C1QTNF3: variants seen among roughly 807,000 people sequenced by gnomAD.
The protein encoded by C1QTNF3 is C1q and TNF related 3, also known as complement C1q tumor necrosis factor-related protein 3.
Under a neutral mutation model 32.6 loss-of-function variants are expected in C1QTNF3, and 26 were observed. That is an observed-to-expected ratio of 0.80 (90% confidence interval 0.58 to 1.11). The LOEUF (loss-of-function observed/expected upper bound fraction) is 1.11. C1QTNF3 is among the 50% of genes least tolerant of loss of function. The probability of loss-of-function intolerance (pLI) is 0.00; values close to 1 mark genes in which losing one functional copy is unlikely to be tolerated. For missense variants in C1QTNF3, 362 were observed against 398.2 expected, an observed-to-expected ratio of 0.91 and a Z score of 0.77; for synonymous variants, 155 against 146.0, an observed-to-expected ratio of 1.06 and a Z score of -0.44.
At chr5:34,087,768 A>G in the C1QTNF3 span, among the ~76,000 whole-genome samples, 1 of 152,052 alleles carries the variant, frequency 6.6e-6, no homozygotes, top group Non-Finnish European at 1.5e-5. Flanking sequence ...ATTTCTTTAG[A>G]GATGGGTGTT....
chr5:34,054,539 T>A, the C1QTNF3 span, among the ~76,000 whole-genome samples: 1 of 152,186 alleles, frequency 6.6e-6, no homozygotes, highest in African/African-American at 2.4e-5. Context: ...AACAAAACTT[T>A]ATTTATAAAA....
At chr5:34,044,038 G>A (rs1320730545), upstream of C1QTNF3, among the ~76,000 whole-genome samples, 1 of 151,988 alleles carries the variant, frequency 6.6e-6, no homozygotes, top group African/African-American at 2.4e-5. Flanking sequence ...AGAAATTCGA[G>A]GCCAGCCTGG....
the C1QTNF3 span, among the ~76,000 whole-genome samples, chr5:34,225,929 A>AG: frequency 2.6e-5 from 4 of 152,024 alleles, no homozygotes; most frequent in East Asian, 7.7e-4. Flanking sequence ...ATGCAAAAAA[A>AG]TAAAGCTTTT....
At chr5:34,147,216 T>C in the C1QTNF3 span, among the ~76,000 whole-genome samples, 1 of 152,228 alleles carries the variant, frequency 6.6e-6, no homozygotes, top group South Asian at 2.1e-4. Context: ...GCTGGGTATA[T>C]GAATTAGTTC....
At chr5:34,167,342 C>A in the C1QTNF3 span, 2 of 152,178 alleles carry the variant, frequency 1.3e-5, no homozygotes, top group Admixed American at 6.5e-5. Flanking sequence ...AATGCATCAT[C>A]TTAATTCATC....
At chr5:34,065,991 A>G in the C1QTNF3 span, among the ~76,000 whole-genome samples, 2 of 152,092 alleles carry the variant, frequency 1.3e-5, no homozygotes, top group African/African-American at 4.8e-5. Context: ...ATGGAATACT[A>G]TGCAGCCATA....
chr5:34,073,049 C>T, the C1QTNF3 span, among the ~76,000 whole-genome samples: 3 of 152,062 alleles, frequency 2.0e-5, no homozygotes, highest in East Asian at 1.9e-4. Flanking sequence ...TAATTGTGGC[C>T]GGGCGCGGTG....
At chr5:34,175,625 A>G in the C1QTNF3 span, 10 of 494,156 alleles carry the variant, frequency 2.0e-5, no homozygotes, top group Middle Eastern at 5.8e-4. Flanking sequence ...GTATGTGGGA[A>G]GCGGGGACCT....
the C1QTNF3 span, among the ~76,000 whole-genome samples, chr5:34,072,898 TA>T: frequency 6.6e-6 from 1 of 152,210 alleles, no homozygotes; most frequent in Non-Finnish European, 1.5e-5. Context: ...CTGAGAATAC[TA>T]AAAAACATTG....
the C1QTNF3 span, among the ~76,000 whole-genome samples, chr5:34,181,800 C>A: frequency 6.6e-6 from 1 of 152,304 alleles, no homozygotes; most frequent in African/African-American, 2.4e-5. Flanking sequence ...GTGCATGCAC[C>A]CCAGAAGTCG....
the C1QTNF3 span, among the ~76,000 whole-genome samples, chr5:34,210,185 A>C: frequency 6.6e-6 from 1 of 152,090 alleles, no homozygotes; most frequent in Non-Finnish European, 1.5e-5. Flanking sequence ...TCTGATGTTA[A>C]CAATGGCATA....
the C1QTNF3 span, among the ~76,000 whole-genome samples, chr5:34,213,790 TATATATATATATATATATA>T: frequency 0.22 from 2,245 of 10,290 alleles, 94 homozygotes; most frequent in Non-Finnish European, 0.37. Context: ...TATATACATA[TATATATATATATATATATA>T]TTTTTTTTTT....
At chr5:34,085,024 T>C in the C1QTNF3 span, among the ~76,000 whole-genome samples, 5,633 of 120,268 alleles carry the variant, frequency 0.047, 580 homozygotes, top group African/African-American at 0.17. Context: ...AGAGTCTCAC[T>C]CTGTCGCCCA....
At chr5:34,094,420 T>C in the C1QTNF3 span, among the ~76,000 whole-genome samples, 1 of 152,148 alleles carries the variant, frequency 6.6e-6, no homozygotes, top group Non-Finnish European at 1.5e-5. Context: ...TGTACCCATG[T>C]GGAGAGTAGC....
At chr5:34,048,851 A>G in the C1QTNF3 span, among the ~76,000 whole-genome samples, 1 of 152,168 alleles carries the variant, frequency 6.6e-6, no homozygotes, top group Non-Finnish European at 1.5e-5. Context: ...ACAACAACAT[A>G]AAACCTGATG....
chr5:34,076,877 C>A, the C1QTNF3 span, among the ~76,000 whole-genome samples: 4 of 151,446 alleles, frequency 2.6e-5, 1 homozygote, highest in African/African-American at 9.8e-5. Flanking sequence ...AGGTTACGAG[C>A]TAGTCAGTGA....
the C1QTNF3 span, among the ~76,000 whole-genome samples, chr5:34,089,935 T>A: frequency 4.6e-5 from 7 of 152,332 alleles, no homozygotes; most frequent in African/African-American, 9.6e-5. Context: ...AAGGAGTCAG[T>A]TATGACGGAG....
At chr5:34,102,865 G>A in the C1QTNF3 span, among the ~76,000 whole-genome samples, 2 of 152,224 alleles carry the variant, frequency 1.3e-5, no homozygotes, top group Non-Finnish European at 2.9e-5. Context: ...ATAGCATTAG[G>A]AGATACACCT....
chr5:34,056,479 TAGAGAGAGAGAG>T, the C1QTNF3 span, among the ~76,000 whole-genome samples: 1,111 of 51,618 alleles, frequency 0.022, 9 homozygotes, highest in African/African-American at 0.036. Context: ...TATATATATA[TAGAGAGAGAGAG>T]AGAGAGAGAG....
Sources: gnomAD v4.1 joint callset for allele counts (sites outside exome capture counted in the v4.1 genomes callset) on GRCh38, gnomAD v4.1.1 for gene constraint, MANE v1.5 for transcripts, NCBI Gene and HGNC (gene_info 2026-07-23, HGNC 2026-07-21) for gene names.